NALF1: variants seen among roughly 807,000 people sequenced by gnomAD.
NALF1 encodes the protein NALCN channel auxiliary factor 1.
In NALF1, 3 loss-of-function variants were observed where a neutral mutation model predicts 48.4. That is an observed-to-expected ratio of 0.06 (90% CI 0.03 to 0.16). NALF1 has a LOEUF of 0.16. Ranked by LOEUF, NALF1 falls within the 10% of genes least tolerant of loss-of-function variation. The pLI is 1.00. For missense variants in NALF1, 526 were observed against 571.5 expected, an observed-to-expected ratio of 0.92 and a Z score of 0.81; for synonymous variants, 262 against 245.7, an observed-to-expected ratio of 1.07 and a Z score of -0.62.
At chr13:107,644,644 TAC>T (rs140659602) in intron 1 of NALF1, among the ~76,000 whole-genome samples, 49 of 135,100 alleles carry the variant, frequency 3.6e-4, no homozygotes, top group African/African-American at 7.2e-4. Flanking sequence ...CATACATACA[TAC>T]ATATATATAT....
rs564329143 is a variant in NALF1, at chr13:107,254,093, C to T, written c.916-43338G>A. Among the ~76,000 whole-genome samples the T allele has an allele frequency of 1.5e-3, 212 of 140,472 alleles. 5 individuals carry two copies. In the Middle Eastern group the frequency reaches 0.029, roughly 19 times the overall value. The allele number at this position is 140,472 out of a possible 152,430, so 92.2% of individuals were successfully genotyped here. On this transcript the variant is annotated intron_variant, in intron 1 of 2. Coordinates refer to ENST00000375915, the MANE Select transcript of NALF1 (RefSeq NM_001080396.3). ...TATATATATATTAAGCACACAGGAG[C>T]TTTCCATGAATAAAATGAGTTAACA...
intron 1 of NALF1, among the ~76,000 whole-genome samples, chr13:107,412,916 G>A (rs9520429): frequency 0.22 from 32,892 of 152,040 alleles, 4,059 homozygotes; most frequent in Middle Eastern, 0.28. Context: ...ATGATTTTGT[G>A]GAGGTAGAGT....
At chr13:107,178,813 C>T (rs1482686290) in intron 2 of NALF1, among the ~76,000 whole-genome samples, 5 of 152,016 alleles carry the variant, frequency 3.3e-5, no homozygotes, top group African/African-American at 9.7e-5. Context: ...GGCGTGGTGG[C>T]GGGTGCCTGT....
chr13:107,264,626 C>T (rs957206872), intron 1 of NALF1, among the ~76,000 whole-genome samples: 3 of 152,162 alleles, frequency 2.0e-5, no homozygotes, highest in African/African-American at 7.2e-5. Flanking sequence ...CAGTTTCGAC[C>T]CCTTGCCTTA....
chr13:107,767,040 A>G (rs1296406457), intron 1 of NALF1, among the ~76,000 whole-genome samples: 2 of 152,218 alleles, frequency 1.3e-5, no homozygotes, highest in African/African-American at 4.8e-5. Flanking sequence ...AGACAGAGTC[A>G]GAGAGAAAAA....
In NALF1 at chr13:107,249,371, A is replaced by C. The variant is rs1421734511; in HGVS notation, c.916-38616T>G. ...GGATCTAGAAGAATACAAAAACAAC[A>C]TTATCTCAAAAACTTACATCTCAAA... On this transcript the variant is annotated intron_variant, in intron 1 of 2. Transcript: ENST00000375915. Among the ~76,000 whole-genome samples, 3 of 152,288 alleles carry C rather than the reference A, an allele frequency of 2.0e-5. No individual in the cohort carries two copies. In the South Asian group the frequency reaches 6.2e-4, roughly 32 times the overall value.
At position 107,254,062 on chromosome 13, in the gene NALF1, A is replaced by AAAAAAAAAAATATATATATATATAT; in HGVS notation, c.916-43308_916-43307insATATATATATATATATTTTTTTTTT. On this transcript the variant is annotated intron_variant, in intron 1 of 2. Coordinates refer to ENST00000375915, the MANE Select transcript of NALF1 (RefSeq NM_001080396.3). ...AGATGTTTAAGGGAGCAAGTACTAA[A>AAAAAAAAAAATATATATATATATAT]ATATATATATATATATTAAGCACAC... Among the ~76,000 whole-genome samples, 12 of 138,678 alleles carry AAAAAAAAAAATATATATATATATAT rather than the reference A, an allele frequency of 8.7e-5. 1 individual carries two copies. In the East Asian group the frequency reaches 1.4e-3, roughly 17 times the overall value. 91.0% of individuals were successfully genotyped at this position (138,678 alleles called of 152,430 possible). A position where few individuals can be genotyped will look rare whatever the true frequency, so the allele number is the denominator to read the frequency against.
chr13:107,446,271 T>A lies in NALF1; in HGVS notation c.916-235516A>T, dbSNP rs1293901292. On this transcript the variant is annotated intron_variant, in intron 1 of 2. Coordinates refer to ENST00000375915, the MANE Select transcript of NALF1 (RefSeq NM_001080396.3). The stretch of plus-strand genomic sequence containing the variant: ...TTCTATAGTGAAAATAAAGTTCCGA[T>A]AATTCTTTTTTCTAATTCTGTTCAT... Among the ~76,000 whole-genome samples, 4 of 152,136 alleles carry A rather than the reference T, an allele frequency of 2.6e-5. No homozygotes were observed. The East Asian group carries it at 7.7e-4, about 29-fold the overall frequency.
chr13:107,850,573 G>A (rs995904155), intron 1 of NALF1, among the ~76,000 whole-genome samples: 2 of 152,108 alleles, frequency 1.3e-5, no homozygotes, highest in African/African-American at 2.4e-5. Flanking sequence ...TTCATAATGC[G>A]AAATAATACA....
chr13:107,329,732 A>C, intron 1 of NALF1, among the ~76,000 whole-genome samples: 1 of 139,882 alleles, frequency 7.1e-6, no homozygotes, highest in Non-Finnish European at 1.5e-5. Context: ...TTCAATTCCC[A>C]CCTATGAGTG....
At chr13:107,368,148 A>G (rs957151321) in intron 1 of NALF1, among the ~76,000 whole-genome samples, 4 of 152,124 alleles carry the variant, frequency 2.6e-5, no homozygotes, top group Non-Finnish European at 5.9e-5. Flanking sequence ...CTTTGCATCT[A>G]GGAAACAAAG....
intron 1 of NALF1, among the ~76,000 whole-genome samples, chr13:107,695,091 C>T (rs572346392): frequency 6.6e-6 from 1 of 152,150 alleles, no homozygotes; most frequent in Non-Finnish European, 1.5e-5. Flanking sequence ...CCACACCTGG[C>T]CTGATGTCAG....
intron 1 of NALF1, among the ~76,000 whole-genome samples, chr13:107,651,277 A>G (rs370051518): frequency 1.3e-5 from 2 of 152,278 alleles, no homozygotes; most frequent in African/African-American, 4.8e-5. Flanking sequence ...ACTTGCACGG[A>G]GCAATAGTCA....
intron 1 of NALF1, among the ~76,000 whole-genome samples, chr13:107,219,745 C>T (rs769225024): frequency 1.1e-4 from 16 of 152,092 alleles, no homozygotes; most frequent in Non-Finnish European, 2.2e-4. Flanking sequence ...CAGATGTATT[C>T]GTTTCTTCAT....
At position 107,382,091 on chromosome 13, in the gene NALF1, G is replaced by C. The variant is rs367773885; in HGVS notation, c.916-171336C>G. ...GCTATGCCACTATCATCTCTTGCTG[G>C]GCTTCTGAAAGTACCCCCTCATTTC... On this transcript the variant is annotated intron_variant, in intron 1 of 2. Transcript: ENST00000375915. Among the ~76,000 whole-genome samples, 46 of 152,036 alleles carry C rather than the reference G, an allele frequency of 3.0e-4. 1 individual carries two copies. The highest frequency in any genetic ancestry group is 1.1e-3 in the African/African-American group (45 of 41,462).
At chr13:107,645,547 A>C (rs1484566475) in intron 1 of NALF1, among the ~76,000 whole-genome samples, 1 of 151,974 alleles carries the variant, frequency 6.6e-6, no homozygotes, top group Non-Finnish European at 1.5e-5. Context: ...TATCCTATCC[A>C]CTTAATACAA....
At chr13:107,826,552 G>A (rs1342913954) in intron 1 of NALF1, among the ~76,000 whole-genome samples, 1 of 152,188 alleles carries the variant, frequency 6.6e-6, no homozygotes, top group Non-Finnish European at 1.5e-5. Context: ...AGAATGAAAA[G>A]TTATTTTTTA....
At chr13:107,412,444 A>G (rs1053689455) in intron 1 of NALF1, among the ~76,000 whole-genome samples, 3 of 152,166 alleles carry the variant, frequency 2.0e-5, no homozygotes, top group Non-Finnish European at 4.4e-5. Context: ...GATTTCATAG[A>G]TAATTTCACA....
At chr13:107,503,246 TA>T (rs1229773168) in intron 1 of NALF1, among the ~76,000 whole-genome samples, 1 of 152,106 alleles carries the variant, frequency 6.6e-6, no homozygotes, top group Non-Finnish European at 1.5e-5. Flanking sequence ...ACCAACATTT[TA>T]ACGGGCCCTT....
Sources: gnomAD v4.1 joint callset for allele counts (sites outside exome capture counted in the v4.1 genomes callset) on GRCh38, gnomAD v4.1.1 for gene constraint, MANE v1.5 for transcripts, NCBI Gene and HGNC (gene_info 2026-07-23, HGNC 2026-07-21) for gene names.